VKORC1L1: variants seen among roughly 807,000 people sequenced by gnomAD.
VKORC1L1 encodes the protein vitamin K epoxide reductase complex subunit 1-like protein 1.
Under a neutral mutation model 18.9 loss-of-function variants are expected in VKORC1L1, and 2 were observed. The observed-to-expected ratio is 0.11, with a 90% CI of 0.04 to 0.33. The LOEUF (loss-of-function observed/expected upper bound fraction) is 0.33. Ranked by LOEUF, VKORC1L1 falls within the 10% of genes least tolerant of loss-of-function variation. The pLI is 1.00. For synonymous variants in VKORC1L1, 96 were observed against 100.0 expected (o/e 0.96, Z 0.24); for missense variants, 123 against 224.1 (o/e 0.55, Z 2.88).
chr7:65,874,907 G>A (rs1233657029), intron 1 of VKORC1L1, among the ~76,000 whole-genome samples: 3 of 152,228 alleles, frequency 2.0e-5, no homozygotes, highest in Non-Finnish European at 2.9e-5. Flanking sequence ...GTTATATCCT[G>A]CAAGAGCTGC....
At chr7:65,947,757 C>T (rs1490782594) in intron 1 of VKORC1L1, among the ~76,000 whole-genome samples, 1 of 151,284 alleles carries the variant, frequency 6.6e-6, no homozygotes, top group African/African-American at 2.4e-5. Context: ...GTGGTGCAGT[C>T]TCGGCCCACT....
At chr7:65,933,016 T>C (rs1340419396) in intron 1 of VKORC1L1, among the ~76,000 whole-genome samples, 1 of 145,126 alleles carries the variant, frequency 6.9e-6, no homozygotes, top group Non-Finnish European at 1.5e-5. Context: ...GGATGGAGGT[T>C]GCAGTGAGCC....
intron 2 of VKORC1L1, among the ~76,000 whole-genome samples, chr7:65,950,379 T>G (rs1790193078): frequency 6.6e-6 from 1 of 152,216 alleles, no homozygotes; most frequent in Admixed American, 6.5e-5. Context: ...TTTTTGTAGA[T>G]CTTGTTGCAT....
At chr7:65,916,983 A>G (rs1337054786) in intron 1 of VKORC1L1, among the ~76,000 whole-genome samples, 1 of 151,888 alleles carries the variant, frequency 6.6e-6, no homozygotes, top group African/African-American at 2.4e-5. Flanking sequence ...TGTTTATTTT[A>G]TCTCCTATAT....
In VKORC1L1 at chr7:65,873,254, CGGT is replaced by C. The variant is rs1411354468; in HGVS notation, c.-112_-110del. ...CAATGGGGCGCGGCGGCGGCGGCGG[CGGT>C]GGTGGCGGCGGCGGCGGAGGCGGCG... On this transcript the variant is annotated 5_prime_UTR_variant, in exon 1 of 3. Coordinates refer to ENST00000360768, the MANE Select transcript of VKORC1L1 (RefSeq NM_173517.6). 5 of 888,768 alleles carry C rather than the reference CGGT, an allele frequency of 5.6e-6. No individual in the cohort carries two copies. The highest frequency in any genetic ancestry group is 6.4e-5 in the Admixed American group (1 of 15,584). 55.1% of individuals were successfully genotyped at this position (888,768 alleles called of 1,614,324 possible).
chr7:65,867,007 T>C, the VKORC1L1 span, among the ~76,000 whole-genome samples: 1 of 151,960 alleles, frequency 6.6e-6, no homozygotes, highest in African/African-American at 2.4e-5. Context: ...GCCAACATCA[T>C]GAAACCCCAT....
chr7:65,932,353 C>A (rs1408284039), intron 1 of VKORC1L1, among the ~76,000 whole-genome samples: 1 of 152,210 alleles, frequency 6.6e-6, no homozygotes, highest in Non-Finnish European at 1.5e-5. Flanking sequence ...CCACCTTGGC[C>A]TCCCAGAGTG....
chr7:65,895,049 T>G (rs1309921384), intron 1 of VKORC1L1, among the ~76,000 whole-genome samples: 1 of 152,224 alleles, frequency 6.6e-6, no homozygotes, highest in Non-Finnish European at 1.5e-5. Context: ...GTATCTGCTG[T>G]AAGTTGCTGT....
chr7:65,927,799 T>C (rs1415094235), intron 1 of VKORC1L1, among the ~76,000 whole-genome samples: 1 of 152,228 alleles, frequency 6.6e-6, no homozygotes, highest in Non-Finnish European at 1.5e-5. Flanking sequence ...CATTTGTCTT[T>C]TGGCCCTAGT....
intron 1 of VKORC1L1, among the ~76,000 whole-genome samples, chr7:65,935,772 C>T (rs1789932416): frequency 1.3e-5 from 2 of 152,146 alleles, no homozygotes; most frequent in Non-Finnish European, 2.9e-5. Context: ...TTAATCAACT[C>T]TCATGTTAAC....
intron 1 of VKORC1L1, among the ~76,000 whole-genome samples, chr7:65,874,505 T>G (rs1378402591): frequency 6.6e-6 from 1 of 151,922 alleles, no homozygotes; most frequent in East Asian, 2.0e-4. Context: ...CCTGCTTAAG[T>G]GCTTAAAATT....
upstream of VKORC1L1, among the ~76,000 whole-genome samples, chr7:65,873,010 C>G (rs1788748042): frequency 6.8e-6 from 1 of 147,446 alleles, no homozygotes; most frequent in Non-Finnish European, 1.5e-5. Flanking sequence ...TGCCCCACCC[C>G]TTTCTCCCCC....
chr7:65,954,380 T>TATG lies in VKORC1L1; in HGVS notation c.*82_*83insGAT. 1 of 1,483,676 alleles carries TATG rather than the reference T, an allele frequency of 6.7e-7. No individual in the cohort carries two copies. Among genetic ancestry groups the TATG allele is most frequent in the Non-Finnish European group, 8.9e-7 (1 of 1,123,864 alleles). The allele number at this position is 1,483,676 out of a possible 1,614,324, so 91.9% of individuals were successfully genotyped here. ...TGCAGCAGGTTTTTATTATTATTAT[T>TATG]ATTATTATTATTCACAACAGACACT... On this transcript the variant is annotated 3_prime_UTR_variant, in exon 3 of 3. Transcript: ENST00000360768.
intron 1 of VKORC1L1, among the ~76,000 whole-genome samples, chr7:65,912,264 C>G (rs1459562832): frequency 6.6e-6 from 1 of 152,180 alleles, no homozygotes; most frequent in Admixed American, 6.5e-5. Flanking sequence ...ATGAGCTGTG[C>G]GTAAATGTTT....
In VKORC1L1 at chr7:65,955,515, GAC is replaced by G. The variant is rs968543546; in HGVS notation, c.*1221_*1222del. 1 of 152,248 alleles carries G rather than the reference GAC, an allele frequency of 6.6e-6. No homozygotes were observed. The highest frequency in any genetic ancestry group is 1.5e-5 in the Non-Finnish European group (1 of 68,042). The allele number at this position is 152,248 out of a possible 1,614,324, so 9.4% of individuals were successfully genotyped here. A position where few individuals can be genotyped will look rare whatever the true frequency, so the allele number is the denominator to read the frequency against. On this transcript the variant is annotated 3_prime_UTR_variant, in exon 3 of 3. Coordinates refer to ENST00000360768, the MANE Select transcript of VKORC1L1 (RefSeq NM_173517.6). ...CTCATGTCGCCACTGCTCTCATAAT[GAC>G]ACACATGCAGTAAGAAGACTTTTGT...
At position 65,955,599 on chromosome 7, in the gene VKORC1L1, T is replaced by G. The variant is rs1790283638; in HGVS notation, c.*1299T>G. 1 of 152,216 alleles carries G rather than the reference T, an allele frequency of 6.6e-6. No individual in the cohort carries two copies. 9.4% of individuals were successfully genotyped at this position (152,216 alleles called of 1,614,324 possible). A position where few individuals can be genotyped will look rare whatever the true frequency, so the allele number is the denominator to read the frequency against. On this transcript the variant is annotated 3_prime_UTR_variant, in exon 3 of 3. Transcript: ENST00000360768. ...TGACAGGATGTTTGTATGGTTAACA[T>G]CTGATATCAGAATGTTAAAAGTGCC...
chr7:65,939,230 T>C (rs1049072343), intron 1 of VKORC1L1, among the ~76,000 whole-genome samples: 2 of 152,218 alleles, frequency 1.3e-5, no homozygotes, highest in Admixed American at 6.5e-5. Context: ...TCAGAAATAC[T>C]ATCCTGTAAA....
At position 65,895,516 on chromosome 7, in the gene VKORC1L1, T is replaced by TATATATAC. The variant is rs370356956; in HGVS notation, c.194+21952_194+21953insTATATACA. Among the ~76,000 whole-genome samples, 146 of 71,454 alleles carry TATATATAC rather than the reference T, an allele frequency of 2.0e-3. 1 individual carries two copies. The highest frequency in any genetic ancestry group is 3.0e-3 in the Non-Finnish European group (114 of 37,468). The allele number at this position is 71,454 out of a possible 152,430, so 46.9% of individuals were successfully genotyped here. On this transcript the variant is annotated intron_variant, in intron 1 of 2. Coordinates refer to ENST00000360768, the MANE Select transcript of VKORC1L1 (RefSeq NM_173517.6). ...ATATATATATATATATATATATATA[T>TATATATAC]ACACACACACACACACACACACATA...
At position 65,873,122 on chromosome 7, in the gene VKORC1L1, C is replaced by T. The variant is rs1400089980; in HGVS notation, c.-250C>T. The stretch of plus-strand genomic sequence containing the variant: ...TCTTCGGCCGTTGCGCACTCCACCC[C>T]CTCCCTCCGCGCCCGCGCGCGCCTT... On this transcript the variant is annotated 5_prime_UTR_variant, in exon 1 of 3. Coordinates refer to ENST00000360768, the MANE Select transcript of VKORC1L1 (RefSeq NM_173517.6). 6 of 248,242 alleles carry T rather than the reference C, an allele frequency of 2.4e-5. No individual in the cohort carries two copies. Among genetic ancestry groups the T allele is most frequent in the Admixed American group, 6.6e-5 (1 of 15,172 alleles). 15.4% of individuals were successfully genotyped at this position (248,242 alleles called of 1,614,324 possible).
Sources: gnomAD v4.1 joint callset for allele counts (sites outside exome capture counted in the v4.1 genomes callset) on GRCh38, gnomAD v4.1.1 for gene constraint, MANE v1.5 for transcripts, NCBI Gene and HGNC (gene_info 2026-07-23, HGNC 2026-07-21) for gene names.